The following BCL2 variants were observed in gnomAD, a reference collection of about 807,000 sequenced individuals.
BCL2 encodes apoptosis regulator Bcl-2.
In BCL2, 1 loss-of-function variant was observed where a neutral mutation model predicts 14.2. The observed-to-expected ratio is 0.07, with a 90% confidence interval of 0.02 to 0.33. The LOEUF (loss-of-function observed/expected upper bound fraction) is 0.33. Among genes scored for constraint, BCL2 ranks in the 10% least tolerant of loss-of-function variants. The pLI, the probability that BCL2 is intolerant of heterozygous loss-of-function variation, is 0.99. For synonymous variants in BCL2, 151 were observed against 137.2 expected (o/e 1.10, Z -0.70); for missense variants, 247 against 305.9 (o/e 0.81, Z 1.44).
chr18:63,193,578 ATGTATGTG>A lies in BCL2; in HGVS notation c.586-64827_586-64820del, dbSNP rs1389145373. Among the ~76,000 whole-genome samples, 42 of 133,016 alleles carry A rather than the reference ATGTATGTG, an allele frequency of 3.2e-4. No homozygotes were observed. In the South Asian group the frequency reaches 3.9e-3, roughly 12 times the overall value. 87.3% of individuals were successfully genotyped at this position (133,016 alleles called of 152,430 possible). ...GAAAATATTCTTAAGGCGGAGTAGT[ATGTATGTG>A]TGTGTGTGTGTGTGTGTGTGTGTGT... On this transcript the variant is annotated intron_variant, in intron 2 of 2. Transcript: ENST00000333681.
intron 2 of BCL2, among the ~76,000 whole-genome samples, chr18:63,283,419 G>A (rs1204099904): frequency 6.6e-6 from 1 of 152,112 alleles, no homozygotes; most frequent in African/African-American, 2.4e-5. Flanking sequence ...CTCCAGCCTG[G>A]GAGGTACCGT....
At chr18:63,258,767 C>G (rs865975786) in intron 2 of BCL2, among the ~76,000 whole-genome samples, 7 of 152,204 alleles carry the variant, frequency 4.6e-5, no homozygotes, top group Non-Finnish European at 8.8e-5. Context: ...TGTTCACATG[C>G]CTACCATCTC....
chr18:63,176,133 G>A (rs1915343496), intron 2 of BCL2, among the ~76,000 whole-genome samples: 1 of 152,220 alleles, frequency 6.6e-6, no homozygotes, highest in Non-Finnish European at 1.5e-5. Context: ...ATGGTCTATT[G>A]AAAGAATTTT....
chr18:63,144,090 G>A (rs1277124470), intron 2 of BCL2, among the ~76,000 whole-genome samples: 1 of 152,168 alleles, frequency 6.6e-6, no homozygotes, highest in African/African-American at 2.4e-5. Flanking sequence ...TATTTCCACT[G>A]AGGAAACCCC....
At chr18:63,308,751 C>A (rs942739085) in intron 2 of BCL2, among the ~76,000 whole-genome samples, 3 of 149,538 alleles carry the variant, frequency 2.0e-5, no homozygotes, top group Non-Finnish European at 4.5e-5. Flanking sequence ...TGGGACATTT[C>A]AGACACACAC....
At chr18:63,285,575 T>A (rs930335594) in intron 2 of BCL2, among the ~76,000 whole-genome samples, 7 of 152,210 alleles carry the variant, frequency 4.6e-5, no homozygotes, top group Admixed American at 4.6e-4. Context: ...GGGGAGGTAC[T>A]GGATGGGGGA....
intron 2 of BCL2, among the ~76,000 whole-genome samples, chr18:63,197,038 C>T (rs925740998): frequency 5.9e-5 from 9 of 152,190 alleles, no homozygotes; most frequent in Admixed American, 5.2e-4. Context: ...ATCTTCTTCA[C>T]GTTTTGATTT....
In BCL2 at chr18:63,318,316, G is replaced by A. The variant is rs2144322913; in HGVS notation, c.351C>T (p.Ser117=). ...CGGTGAAGGGCGTCAGGTGCAGCTGGCTGGACATCTCGGCGAAGTCGCGGC... is the reference window on the plus strand; with the variant it reads ...CGGTGAAGGGCGTCAGGTGCAGCTGACTGGACATCTCGGCGAAGTCGCGGC... ...RYRRDFAEMS[S]QLHLTPFTAR... Residue 117 remains serine (S), a synonymous_variant, in exon 2 of 3, where the codon AGC becomes AGT. Transcript: ENST00000333681. This position sits in a 1 kb window ranked among gnomAD's most constrained non-coding sequence, Gnocchi z 7.4. 6.2e-7 allele frequency: 1 copy of A among 1,613,770 alleles called. No homozygotes were observed. Among genetic ancestry groups the A allele is most frequent in the Non-Finnish European group, 8.5e-7 (1 of 1,179,792 alleles).
intron 2 of BCL2, among the ~76,000 whole-genome samples, chr18:63,260,382 A>G (rs945740702): frequency 3.9e-5 from 6 of 152,192 alleles, no homozygotes; most frequent in African/African-American, 1.4e-4. Context: ...TATTATGTAA[A>G]TTGTTTGAGG....
At chr18:63,306,742 T>C (rs1449210201) in intron 2 of BCL2, among the ~76,000 whole-genome samples, 1 of 152,202 alleles carries the variant, frequency 6.6e-6, no homozygotes, top group East Asian at 1.9e-4. Context: ...TGAATGGTCT[T>C]CACTCCCCCA....
chr18:63,156,087 CAA>C (rs10640757), intron 2 of BCL2, among the ~76,000 whole-genome samples: 149 of 64,252 alleles, frequency 2.3e-3, no homozygotes, highest in African/African-American at 7.7e-3. Context: ...GCTGAGAAGC[CAA>C]AAAAAAAAAA....
chr18:63,136,926 G>A (rs932148171), intron 2 of BCL2, among the ~76,000 whole-genome samples: 1 of 152,238 alleles, frequency 6.6e-6, no homozygotes, highest in Admixed American at 6.5e-5. Context: ...GGACAGAACA[G>A]GGCAGTAGAT....
chr18:63,199,081 T>C (rs940089708), intron 2 of BCL2, among the ~76,000 whole-genome samples: 19 of 136,138 alleles, frequency 1.4e-4, no homozygotes, highest in African/African-American at 4.8e-4. Context: ...CATGCACACA[T>C]AGAGACACAC....
In BCL2 at chr18:63,150,065, T is replaced by C. The variant is rs559040019; in HGVS notation, c.586-21306A>G. 1.5e-3 allele frequency among the ~76,000 whole-genome samples: 229 copies of C among 152,264 alleles called. 1 individual carries two copies. The highest frequency in any genetic ancestry group is 2.8e-3 in the Non-Finnish European group (189 of 68,014). ...CTGGCTAATTTTTGTAGTTTTTTTG[T>C]AGAATTGGGGTTTCACCATGTTGGC... On this transcript the variant is annotated intron_variant, in intron 2 of 2. Coordinates refer to ENST00000333681, the MANE Select transcript of BCL2 (RefSeq NM_000633.3).
At position 63,125,689 on chromosome 18, in the gene BCL2, A is replaced by T. The variant is rs1468173696; in HGVS notation, c.*2936T>A. 1 of 212,746 alleles carries T rather than the reference A, an allele frequency of 4.7e-6. No individual in the cohort carries two copies. The highest frequency in any genetic ancestry group is 9.5e-6 in the Non-Finnish European group (1 of 105,066). The allele number at this position is 212,746 out of a possible 1,614,324, so 13.2% of individuals were successfully genotyped here. A position where few individuals can be genotyped will look rare whatever the true frequency, so the allele number is the denominator to read the frequency against. On this transcript the variant is annotated 3_prime_UTR_variant, in exon 3 of 3. Coordinates refer to ENST00000333681, the MANE Select transcript of BCL2 (RefSeq NM_000633.3). ...ATTAGATATAATGAAAAAAAAGAAG[A>T]GGAGAAAAAAATGACTAGTTGAGGC...
chr18:63,208,631 G>T (rs1909912169), intron 2 of BCL2, among the ~76,000 whole-genome samples: 1 of 152,166 alleles, frequency 6.6e-6, no homozygotes, highest in Non-Finnish European at 1.5e-5. Flanking sequence ...TTGGGTTGAG[G>T]ATTTATAGCC....
Position 63,229,392 on chromosome 18 carries a change from A to G in BCL2, c.585+88690T>C, listed in dbSNP as rs565731144. ...TTTAGAATGAAGTCCTCTGTTATTA[A>G]CTGATATATTTGAGTATTTGTCCCC... On this transcript the variant is annotated intron_variant, in intron 2 of 2. Coordinates refer to ENST00000333681, the MANE Select transcript of BCL2 (RefSeq NM_000633.3). Among the ~76,000 whole-genome samples the G allele has an allele frequency of 5.3e-5, 8 of 152,278 alleles. 1 individual carries two copies. The South Asian group carries it at 1.7e-3, about 32-fold the overall frequency.
Position 63,229,191 on chromosome 18 carries a change from A to G in BCL2, c.585+88891T>C, listed in dbSNP as rs1910624635. On this transcript the variant is annotated intron_variant, in intron 2 of 2. Coordinates refer to ENST00000333681, the MANE Select transcript of BCL2 (RefSeq NM_000633.3). ...AGATTTTATTTATTTATTTATTTAT[A>G]TTTTATTTTTTATGTCTCTATTGAA... Among the ~76,000 whole-genome samples, 3 of 152,024 alleles carry G rather than the reference A, an allele frequency of 2.0e-5. No individual in the cohort carries two copies. In the South Asian group the frequency reaches 6.3e-4, roughly 32 times the overall value.
intron 2 of BCL2, among the ~76,000 whole-genome samples, chr18:63,271,871 A>C (rs1381081706): frequency 2.0e-5 from 3 of 152,208 alleles, no homozygotes; most frequent in Admixed American, 6.5e-5. Flanking sequence ...GACAGGAGGC[A>C]GAGAAGGGGG....
Sources: allele counts gnomAD v4.1 joint callset (sites outside exome capture counted in the v4.1 genomes callset), GRCh38; gene constraint gnomAD v4.1.1; non-coding constraint Gnocchi (gnomAD v3.1); transcripts MANE v1.5; gene names NCBI Gene and HGNC (gene_info 2026-07-23, HGNC 2026-07-21).